ZNF483: variants seen among roughly 807,000 people sequenced by gnomAD.
ZNF483 encodes the protein zinc finger protein HIT-10.
A neutral mutation model predicts 28.6 loss-of-function variants in ZNF483; 9 were observed. That is an observed-to-expected ratio of 0.32 (90% CI 0.19 to 0.55). ZNF483 has a LOEUF of 0.55. Among genes scored for constraint, ZNF483 ranks in the 20% least tolerant of loss-of-function variants. The pLI is 0.93. For synonymous variants in ZNF483, 322 were observed against 306.2 expected (o/e 1.05, Z -0.54); for missense variants, 675 against 871.7 (o/e 0.77, Z 2.84).
intron 3 of ZNF483, among the ~76,000 whole-genome samples, chr9:111,531,565 C>T (rs1013672401): frequency 5.3e-5 from 8 of 152,096 alleles, no homozygotes; most frequent in South Asian, 2.1e-4. Flanking sequence ...TTAGTAGAGA[C>T]GGGGTTTCAC....
Position 111,543,417 on chromosome 9 carries a change from A to G in ZNF483, c.*247A>G, listed in dbSNP as rs1032217550. 1.6e-6 allele frequency: 2 copies of G among 1,237,518 alleles called. No individual in the cohort carries two copies. Among genetic ancestry groups the G allele is most frequent in the African/African-American group, 3.1e-5 (2 of 64,836 alleles). 76.7% of individuals were successfully genotyped at this position (1,237,518 alleles called of 1,614,324 possible). On this transcript the variant is annotated 3_prime_UTR_variant, in exon 6 of 6. Coordinates refer to ENST00000309235, the MANE Select transcript of ZNF483 (RefSeq NM_133464.5). ...GATTCTGAGGCCAGACGAATTGGAA[A>G]AGCTCTTTTCTTCAGGGGATTTCTC...
rs1589276620 is a variant in ZNF483, at chr9:111,543,137, C to T, written c.2202C>T (p.Leu734=). The T allele has an allele frequency of 1.9e-6, 3 of 1,611,030 alleles. No individual in the cohort carries two copies. The highest frequency in any genetic ancestry group is 2.2e-5 in the East Asian group (1 of 44,830). Residue 734 remains leucine, a synonymous_variant, in exon 6 of 6, where the codon CTC becomes CTT. Transcript: ENST00000309235. The part of the protein sequence containing the change: ...CEKTFKSNSG[L]IRHRGFHSAE ...AGACATTTAAAAGTAATTCAGGCCT[C>T]ATTAGACATCGGGGATTTCACTCTG...
chr9:111,527,226 G>A lies in ZNF483; in HGVS notation c.-128-42G>A, dbSNP rs750044302. On this transcript the variant is annotated intron_variant, in intron 1 of 5. Transcript: ENST00000309235. ...AACGATGTTTTTAGGACTAACAACA[G>A]TTTTTTTACTTATTTAATGCCTTAA... The A allele has an allele frequency of 9.2e-6, 6 of 649,670 alleles. No homozygotes were observed. The South Asian group carries it at 1.5e-4, about 16-fold the overall frequency. 40.2% of individuals were successfully genotyped at this position (649,670 alleles called of 1,614,324 possible).
intron 5 of ZNF483, among the ~76,000 whole-genome samples, chr9:111,540,490 T>C (rs929835831): frequency 6.6e-6 from 1 of 152,142 alleles, no homozygotes; most frequent in African/African-American, 2.4e-5. Flanking sequence ...GCTCTGGAGA[T>C]TGTTGGAATT....
downstream of ZNF483, among the ~76,000 whole-genome samples, chr9:111,560,138 G>GTC (rs1488803760): frequency 6.6e-6 from 1 of 151,760 alleles, no homozygotes; most frequent in African/African-American, 2.4e-5. Flanking sequence ...CTGAGGTCAG[G>GTC]AGGTCGAGAC....
chr9:111,559,629 AACACACACACACATACAGCAC>A (rs1483048401), downstream of ZNF483, among the ~76,000 whole-genome samples: 1 of 147,054 alleles, frequency 6.8e-6, no homozygotes, highest in African/African-American at 2.7e-5. Flanking sequence ...ATACATATAT[AACACACACACACATACAGCAC>A]ACACACACAC....
At chr9:111,574,961 T>A in intron 5 of ZNF483, 1 of 773,816 alleles carries the variant, frequency 1.3e-6, no homozygotes, top group Non-Finnish European at 2.1e-6. Context: ...ACTGACTGAA[T>A]TAGCCCAACA....
chr9:111,556,562 A>C (rs148556005), downstream of ZNF483, among the ~76,000 whole-genome samples: 142 of 152,086 alleles, frequency 9.3e-4, no homozygotes, highest in Non-Finnish European at 1.6e-3. Context: ...CCAAACCTCA[A>C]CTCTTGTCTT....
intron 5 of ZNF483, chr9:111,562,660 G>C (rs1174163203): frequency 6.5e-6 from 1 of 153,732 alleles, no homozygotes; most frequent in Non-Finnish European, 1.4e-5. Context: ...AGGTAAACGT[G>C]TGCCATGATG....
rs762661916 is a variant in ZNF483, at chr9:111,533,795, G to A, written c.558G>A (p.Lys186=). The A allele has an allele frequency of 1.9e-6, 3 of 1,590,724 alleles. No individual in the cohort carries two copies. Among genetic ancestry groups the A allele is most frequent in the Non-Finnish European group, 1.7e-6 (2 of 1,173,366 alleles). The change falls in exon 4 of 6, where the codon AAG becomes AAA. Residue 186 remains lysine, a synonymous_variant. Coordinates refer to ENST00000309235, the MANE Select transcript of ZNF483 (RefSeq NM_133464.5). ...ACTTTTCAAGAGGAGAGTGGAAGAA[G>A]CTGGAGCCTTTTCAAAAGGAGCTAT... The part of the protein sequence containing the change: ...AVNFSRGEWK[K]LEPFQKELYK...
chr9:111,534,970 G>A (rs1209809356), intron 5 of ZNF483, among the ~76,000 whole-genome samples: 48 of 152,030 alleles, frequency 3.2e-4, no homozygotes, highest in Admixed American at 7.9e-4. Flanking sequence ...TGATCGGCCT[G>A]CCTCGGCCTC....
In ZNF483 at chr9:111,540,879, T is replaced by C. The variant is rs542390502; in HGVS notation, c.722-778T>C. Among the ~76,000 whole-genome samples the C allele has an allele frequency of 3.1e-4, 47 of 152,320 alleles. 1 individual carries two copies. Among genetic ancestry groups the C allele is most frequent in the South Asian group, 8.3e-4 (4 of 4,826 alleles). Reference sequence around the variant, plus strand: ...ACCTTGGGCAGGCTACTTAATACTCTGTGTTCCCAGTTGTCACATCCATAA... The same window carrying C: ...ACCTTGGGCAGGCTACTTAATACTCCGTGTTCCCAGTTGTCACATCCATAA... On this transcript the variant is annotated intron_variant, in intron 5 of 5. Transcript: ENST00000309235.
intron 5 of ZNF483, chr9:111,562,682 C>CTGTCT (rs1161192012): frequency 1.3e-5 from 2 of 156,372 alleles, no homozygotes; most frequent in Non-Finnish European, 2.8e-5. Flanking sequence ...TTTGCTTCAC[C>CTGTCT]TGTCAACCCA....
In ZNF483 at chr9:111,548,817, G is replaced by GTTTTT. The variant is rs11323976; in HGVS notation, c.*5656_*5660dup. ...CTGTATATAGAATTCTCAGTTGACA[G>GTTTTT]TTTTTTTTTTTTTCTTTCTGCATTA... On this transcript the variant is annotated 3_prime_UTR_variant, in exon 6 of 6. Transcript: ENST00000309235. Among the ~76,000 whole-genome samples, 3 of 148,032 alleles carry GTTTTT rather than the reference G, an allele frequency of 2.0e-5. No individual in the cohort carries two copies. Among genetic ancestry groups the GTTTTT allele is most frequent in the Non-Finnish European group, 1.5e-5 (1 of 66,826 alleles).
chr9:111,572,127 A>C (rs1828845055), intron 5 of ZNF483, among the ~76,000 whole-genome samples: 1 of 152,226 alleles, frequency 6.6e-6, no homozygotes, highest in Non-Finnish European at 1.5e-5. Context: ...CACTCAGCCT[A>C]AAGTTCCCAC....
At position 111,553,564 on chromosome 9, in the gene ZNF483, A is replaced by C. The variant is rs1179470266; in HGVS notation, c.*10394A>C. 5.3e-5 allele frequency among the ~76,000 whole-genome samples: 8 copies of C among 152,270 alleles called. No individual in the cohort carries two copies. In the East Asian group the frequency reaches 1.3e-3, roughly 26 times the overall value. ...GTGCATAGAAAAAAAAATCATCTGA[A>C]CTCAAATCAATCTGTTGATACTGAC... On this transcript the variant is annotated 3_prime_UTR_variant, in exon 6 of 6. Transcript: ENST00000309235.
chr9:111,541,794 C>G lies in ZNF483; in HGVS notation c.859C>G (p.Gln287Glu). The G allele has an allele frequency of 6.2e-7, 1 of 1,614,038 alleles. No individual in the cohort carries two copies. The highest frequency in any genetic ancestry group is 8.5e-7 in the Non-Finnish European group (1 of 1,180,018). ...GGGAAATTCAAAAGGAAGAGTCGCA[C>G]AAAACAAAACTCTTGGGAGTGGCAG... ...NQGNSKGRVA[Q>E]NKTLGSGSRG... Residue 287 changes from glutamine to glutamate, a missense_variant, in exon 6 of 6, where the codon CAA becomes GAA. This residue lies in a region of ZNF483 where 525 missense variants were observed against 581.8 expected (regional missense o/e 0.90). Coordinates refer to ENST00000309235, the MANE Select transcript of ZNF483 (RefSeq NM_133464.5).
At chr9:111,573,840 G>C (rs1828939099) in intron 5 of ZNF483, among the ~76,000 whole-genome samples, 1 of 152,140 alleles carries the variant, frequency 6.6e-6, no homozygotes, top group Non-Finnish European at 1.5e-5. Flanking sequence ...TCAGAGTGTG[G>C]AGCGGGAGGG....
chr9:111,552,278 T>C lies in ZNF483; in HGVS notation c.*9108T>C, dbSNP rs542063065. Among the ~76,000 whole-genome samples, 1 of 151,548 alleles carries C rather than the reference T, an allele frequency of 6.6e-6. No individual in the cohort carries two copies. Among genetic ancestry groups the C allele is most frequent in the South Asian group, 2.1e-4 (1 of 4,754 alleles). ...TTGGTAAAGAAACAAGATCATTAGATACATTGTCTTTTTTTTTCAGAAGTT... is the reference window on the plus strand; with the variant it reads ...TTGGTAAAGAAACAAGATCATTAGACACATTGTCTTTTTTTTTCAGAAGTT... On this transcript the variant is annotated 3_prime_UTR_variant, in exon 6 of 6. Transcript: ENST00000309235.
Sources: gnomAD v4.1 joint callset for allele counts (sites outside exome capture counted in the v4.1 genomes callset) on GRCh38, gnomAD v4.1.1 for gene constraint, gnomAD v4.1.1 regional missense constraint, MANE v1.5 for transcripts, NCBI Gene and HGNC (gene_info 2026-07-23, HGNC 2026-07-21) for gene names.